TPST2: variants seen among roughly 807,000 people sequenced by gnomAD.
TPST2 encodes the protein tyrosylprotein sulfotransferase 2.
TPST2 carries 16 observed loss-of-function variants against 27.8 expected under a neutral mutation model. The observed-to-expected ratio is 0.58, with a 90% confidence interval of 0.39 to 0.88. TPST2 has a LOEUF of 0.88. TPST2 is among the 40% of genes least tolerant of loss of function. TPST2 has a pLI of 0.00. For missense variants in TPST2, 464 were observed against 543.1 expected (o/e 0.85, Z 1.45); for synonymous variants, 229 against 231.7 (o/e 0.99, Z 0.10).
intron 1 of TPST2, among the ~76,000 whole-genome samples, chr22:26,576,659 T>C (rs887363234): frequency 6.6e-6 from 1 of 151,770 alleles, no homozygotes; most frequent in Non-Finnish European, 1.5e-5. Flanking sequence ...ATCATGGCAA[T>C]AAGAATAACA....
chr22:26,558,827 T>G (rs1926936186), intron 1 of TPST2, among the ~76,000 whole-genome samples: 1 of 152,214 alleles, frequency 6.6e-6, no homozygotes. Flanking sequence ...TGCAATCTTT[T>G]TTAGATCAGT....
chr22:26,533,345 G>C (rs995008265), intron 4 of TPST2, among the ~76,000 whole-genome samples: 1 of 152,126 alleles, frequency 6.6e-6, no homozygotes, highest in Non-Finnish European at 1.5e-5. Context: ...GGTTGAGCCC[G>C]GGAGGTTGAG....
chr22:26,560,596 G>A (rs58767350), intron 1 of TPST2: 42,273 of 1,094,152 alleles, frequency 0.039, 1,566 homozygotes, highest in East Asian at 0.18. Context: ...CAAACTTGTC[G>A]GGAGGCGCAT....
At chr22:26,570,023 GAAAGAAA>G (rs1927557391) in intron 1 of TPST2, among the ~76,000 whole-genome samples, 3 of 115,948 alleles carry the variant, frequency 2.6e-5, no homozygotes, top group Non-Finnish European at 5.4e-5. Flanking sequence ...AAGAAAGAAA[GAAAGAAA>G]GAAAGAAAGA....
At chr22:26,582,153 G>T (rs1169590853) in intron 1 of TPST2, among the ~76,000 whole-genome samples, 1 of 152,178 alleles carries the variant, frequency 6.6e-6, no homozygotes, top group Non-Finnish European at 1.5e-5. Flanking sequence ...TTAGCCGGGC[G>T]CTGTGGCTCA....
At chr22:26,548,169 G>A (rs984835029) in intron 1 of TPST2, among the ~76,000 whole-genome samples, 3 of 152,186 alleles carry the variant, frequency 2.0e-5, no homozygotes, top group Non-Finnish European at 2.9e-5. Context: ...GTGCCAACAT[G>A]ATGCTCACAG....
intron 1 of TPST2, among the ~76,000 whole-genome samples, chr22:26,552,223 T>G (rs1926520570): frequency 6.6e-6 from 1 of 152,176 alleles, no homozygotes; most frequent in South Asian, 2.1e-4. Flanking sequence ...GGATAAAGAC[T>G]GGCAGGGACA....
At position 26,525,729 on chromosome 22, in the gene TPST2, A is replaced by G. The variant is rs935623461; in HGVS notation, c.*546T>C. ...ACCTGACAAAATCCAGTATGGAAAG[A>G]AAAAAAAAACCCTATTCATTCAGTA... On this transcript the variant is annotated 3_prime_UTR_variant, in exon 7 of 7. Transcript: ENST00000338754. The G allele has an allele frequency of 4.6e-5, 7 of 150,618 alleles. No homozygotes were observed. The highest frequency in any genetic ancestry group is 7.4e-5 in the Non-Finnish European group (5 of 67,444). 9.3% of individuals were successfully genotyped at this position (150,618 alleles called of 1,614,324 possible).
At chr22:26,535,755 C>T (rs1368633023) in intron 4 of TPST2, 2 of 264,236 alleles carry the variant, frequency 7.6e-6, no homozygotes, top group Non-Finnish European at 1.5e-5. Context: ...GCTTGGGCAA[C>T]AGAGCAAGAC....
intron 1 of TPST2, among the ~76,000 whole-genome samples, chr22:26,582,389 T>C (rs542007711): frequency 4.5e-4 from 68 of 152,252 alleles, no homozygotes; most frequent in Non-Finnish European, 9.1e-4. Context: ...GTTGTACCAT[T>C]GCACTCCAGC....
chr22:26,538,851 T>C (rs1052375006), intron 3 of TPST2, among the ~76,000 whole-genome samples: 1 of 152,108 alleles, frequency 6.6e-6, no homozygotes, highest in Non-Finnish European at 1.5e-5. Context: ...AAAATGCTGC[T>C]ACCAAAGAGT....
chr22:26,538,094 G>A (rs1254175182), intron 3 of TPST2, among the ~76,000 whole-genome samples: 1 of 152,180 alleles, frequency 6.6e-6, no homozygotes, highest in African/African-American at 2.4e-5. Flanking sequence ...GGCCTGACAG[G>A]ATGAATGGTG....
chr22:26,587,357 C>T (rs1440271697), intron 1 of TPST2, among the ~76,000 whole-genome samples: 1 of 152,154 alleles, frequency 6.6e-6, no homozygotes, highest in Admixed American at 6.5e-5. Flanking sequence ...TCGGTATTTT[C>T]ACAGAGTCTT....
intron 4 of TPST2, among the ~76,000 whole-genome samples, chr22:26,535,312 G>A (rs1213309837): frequency 6.6e-6 from 1 of 152,214 alleles, no homozygotes; most frequent in Non-Finnish European, 1.5e-5. Context: ...ATGAAGTAAG[G>A]GCTGTGAAAG....
chr22:26,560,936 C>T (rs557315004), intron 1 of TPST2: 19 of 1,608,240 alleles, frequency 1.2e-5, no homozygotes, highest in African/African-American at 6.7e-5. Context: ...ATAACACTGC[C>T]GCAGATGACA....
intron 1 of TPST2, among the ~76,000 whole-genome samples, chr22:26,567,820 A>T (rs2147227260): frequency 6.6e-6 from 1 of 152,352 alleles, no homozygotes; most frequent in Non-Finnish European, 1.5e-5. Context: ...AGGTGCTCAA[A>T]CTCATATCCA....
Position 26,566,784 on chromosome 22 carries a change from C to A in TPST2, c.-160-22109G>T, listed in dbSNP as rs546749172. ...GTAAATAAACAAACAAACAAACAAA[C>A]AAACTCCTTAAGGCCAGGACAACAC... On this transcript the variant is annotated intron_variant, in intron 1 of 6. Coordinates refer to ENST00000338754, the MANE Select transcript of TPST2 (RefSeq NM_003595.5). Among the ~76,000 whole-genome samples, 4 of 152,014 alleles carry A rather than the reference C, an allele frequency of 2.6e-5. No homozygotes were observed. In the South Asian group the frequency reaches 8.3e-4, roughly 32 times the overall value.
intron 1 of TPST2, among the ~76,000 whole-genome samples, chr22:26,562,137 C>T (rs1191004756): frequency 1.3e-5 from 2 of 152,220 alleles, no homozygotes; most frequent in Admixed American, 1.3e-4. Flanking sequence ...CGGCGGGGGC[C>T]ACAGGGTGGC....
At chr22:26,536,552 C>T in intron 3 of TPST2, 66 bp from the exon 4 acceptor site, 1 of 1,363,082 alleles carries the variant, frequency 7.3e-7, no homozygotes, top group Non-Finnish European at 9.6e-7. Flanking sequence ...GGATTCCCTG[C>T]TCAGCCACTC....
Sources: gnomAD v4.1 joint callset for allele counts (sites outside exome capture counted in the v4.1 genomes callset) on GRCh38, gnomAD v4.1.1 for gene constraint, MANE v1.5 for transcripts, NCBI Gene and HGNC (gene_info 2026-07-23, HGNC 2026-07-21) for gene names.